The following REDIC1 variants were observed in gnomAD, a reference collection of about 807,000 sequenced individuals.
The protein encoded by REDIC1 is regulator of DNA class I crossover intermediates 1, also known as HEI10 Interacting Protein 1.
the REDIC1 span, among the ~76,000 whole-genome samples, chr12:39,833,933 C>T: frequency 1.3e-5 from 2 of 151,520 alleles, no homozygotes; most frequent in Non-Finnish European, 2.9e-5. Flanking sequence ...CTACATCCTC[C>T]GAAAGTAGGT....
chr12:39,886,736 G>A, the REDIC1 span, among the ~76,000 whole-genome samples: 2 of 152,076 alleles, frequency 1.3e-5, no homozygotes, highest in African/African-American at 4.8e-5. Flanking sequence ...TACTTCATAA[G>A]AAAATACAGA....
At chr12:39,730,676 C>T in the REDIC1 span, among the ~76,000 whole-genome samples, 1 of 152,076 alleles carries the variant, frequency 6.6e-6, no homozygotes. Flanking sequence ...GTGGTATTCT[C>T]TGTATTTCCT....
At chr12:39,643,735 A>C in the REDIC1 span, 5 of 1,337,334 alleles carry the variant, frequency 3.7e-6, no homozygotes, top group Non-Finnish European at 5.2e-6. Flanking sequence ...TTCTGTCTAA[A>C]ACCGCATATT....
At chr12:39,778,843 A>G in the REDIC1 span, among the ~76,000 whole-genome samples, 2 of 152,204 alleles carry the variant, frequency 1.3e-5, no homozygotes, top group African/African-American at 4.8e-5. Context: ...AGCAACATCT[A>G]TAGGGGTATA....
chr12:39,699,808 G>A, the REDIC1 span, among the ~76,000 whole-genome samples: 4 of 152,278 alleles, frequency 2.6e-5, no homozygotes, highest in South Asian at 8.3e-4. Flanking sequence ...CAGCCTAACT[G>A]GGAGGCACCC....
the REDIC1 span, among the ~76,000 whole-genome samples, chr12:39,650,712 C>T: frequency 6.6e-6 from 1 of 152,152 alleles, no homozygotes; most frequent in Admixed American, 6.6e-5. This position sits in a 1 kb window ranked among gnomAD's most constrained non-coding sequence, Gnocchi z 4.3. Flanking sequence ...GCTGGGATTA[C>T]AGGTGTGTGC....
At chr12:39,719,034 T>G in the REDIC1 span, among the ~76,000 whole-genome samples, 1 of 152,148 alleles carries the variant, frequency 6.6e-6, no homozygotes, top group Non-Finnish European at 1.5e-5. Context: ...AAAAAGGTAT[T>G]TCACAAAAGT....
chr12:39,660,869 C>T, the REDIC1 span, among the ~76,000 whole-genome samples: 3 of 151,998 alleles, frequency 2.0e-5, no homozygotes, highest in South Asian at 2.1e-4. Flanking sequence ...CTACTCTACC[C>T]ACGAGAGATT....
At chr12:39,726,331 G>A in the REDIC1 span, among the ~76,000 whole-genome samples, 1 of 151,882 alleles carries the variant, frequency 6.6e-6, no homozygotes, top group Admixed American at 6.6e-5. Context: ...CACCCCAACA[G>A]GCTCCAGTGT....
At chr12:39,896,265 T>C in the REDIC1 span, among the ~76,000 whole-genome samples, 3 of 139,312 alleles carry the variant, frequency 2.2e-5, no homozygotes, top group East Asian at 2.3e-4. Flanking sequence ...TGTATATGTG[T>C]GTATATATGT....
chr12:39,787,482 G>A, the REDIC1 span, among the ~76,000 whole-genome samples: 4 of 151,716 alleles, frequency 2.6e-5, no homozygotes, highest in Admixed American at 2.6e-4. Context: ...GGGATTTCTA[G>A]GAGATTATTT....
At chr12:39,836,017 T>A in the REDIC1 span, among the ~76,000 whole-genome samples, 3 of 152,120 alleles carry the variant, frequency 2.0e-5, no homozygotes, top group African/African-American at 7.2e-5. Flanking sequence ...TAACTCACTT[T>A]CAGAAAGCAA....
the REDIC1 span, chr12:39,646,389 A>G: frequency 2.1e-6 from 3 of 1,457,264 alleles, no homozygotes; most frequent in East Asian, 5.4e-5. Context: ...CCCCTAAGAA[A>G]GCATAATTTA....
the REDIC1 span, among the ~76,000 whole-genome samples, chr12:39,895,372 C>A: frequency 2.0e-5 from 3 of 150,724 alleles, no homozygotes; most frequent in Admixed American, 6.6e-5. Flanking sequence ...CACCTGTAGT[C>A]CCAGCTACTT....
At chr12:39,643,599 T>C in the REDIC1 span, among the ~76,000 whole-genome samples, 1 of 151,722 alleles carries the variant, frequency 6.6e-6, no homozygotes, top group African/African-American at 2.4e-5. Context: ...CTGTGAAATT[T>C]AGTCTTTAGG....
the REDIC1 span, among the ~76,000 whole-genome samples, chr12:39,778,947 G>A: frequency 3.3e-5 from 5 of 152,196 alleles, no homozygotes; most frequent in Non-Finnish European, 7.3e-5. Context: ...ATGAGGAAGG[G>A]AAATATCTGA....
At chr12:39,869,493 CTG>C in the REDIC1 span, among the ~76,000 whole-genome samples, 3 of 152,182 alleles carry the variant, frequency 2.0e-5, no homozygotes, top group African/African-American at 7.2e-5. Flanking sequence ...ATCAAATAGA[CTG>C]TGTCTCTCAA....
At chr12:39,712,598 CATAT>C in the REDIC1 span, among the ~76,000 whole-genome samples, 5 of 141,882 alleles carry the variant, frequency 3.5e-5, no homozygotes, top group African/African-American at 1.0e-4. Flanking sequence ...TACGTATATA[CATAT>C]ATATGTATAT....
chr12:39,701,527 C>T, the REDIC1 span, among the ~76,000 whole-genome samples: 1 of 152,044 alleles, frequency 6.6e-6, no homozygotes, highest in Non-Finnish European at 1.5e-5. Context: ...TTAGACAGAT[C>T]AATGAGACAG....
Sources: allele counts gnomAD v4.1 joint callset (sites outside exome capture counted in the v4.1 genomes callset), GRCh38; gene constraint gnomAD v4.1.1; non-coding constraint Gnocchi (gnomAD v3.1); transcripts MANE v1.5; gene names NCBI Gene and HGNC (gene_info 2026-07-23, HGNC 2026-07-21).